Variants in ADAM9 observed in about 807,000 individuals in gnomAD.
The protein encoded by ADAM9 is ADAM metallopeptidase domain 9, also known as disintegrin and metalloproteinase domain-containing protein 9.
A neutral mutation model predicts 108.1 loss-of-function variants in ADAM9; 54 were observed. The ratio of observed to expected loss-of-function variants is 0.50; its 90% CI spans 0.40 to 0.63. ADAM9 has a LOEUF of 0.63. Ranked by LOEUF, ADAM9 falls within the 20% of genes least tolerant of loss-of-function variation. ADAM9 has a pLI of 0.00. For synonymous variants in ADAM9, 316 were observed against 336.0 expected, an observed-to-expected ratio of 0.94 and a Z score of 0.65; for missense variants, 830 against 997.7, an observed-to-expected ratio of 0.83 and a Z score of 2.26.
chr8:39,065,697 C>T (rs1276238905), intron 14 of ADAM9, among the ~76,000 whole-genome samples: 2 of 140,428 alleles, frequency 1.4e-5, no homozygotes, highest in African/African-American at 2.6e-5. Context: ...ATAATCTGTT[C>T]TTATTTCATG....
chr8:39,092,065 G>C (rs1233637348), intron 20 of ADAM9, among the ~76,000 whole-genome samples: 1 of 152,136 alleles, frequency 6.6e-6, no homozygotes, highest in African/African-American at 2.4e-5. Flanking sequence ...GTGTATTAGG[G>C]AGTGTTTAGA....
At chr8:39,026,548 A>T in intron 10 of ADAM9, 129 bp from the exon 11 acceptor site, 1 of 1,133,920 alleles carries the variant, frequency 8.8e-7, no homozygotes, top group South Asian at 1.3e-5. Flanking sequence ...CTGTTGTTGG[A>T]TGCTTGATTT....
chr8:39,093,335 G>A (rs1233644628), intron 20 of ADAM9, among the ~76,000 whole-genome samples: 2 of 151,916 alleles, frequency 1.3e-5, no homozygotes, highest in African/African-American at 2.4e-5. Context: ...TATTATTTAT[G>A]TATGTATTTT....
chr8:39,055,086 G>A (rs1255491624), intron 13 of ADAM9, among the ~76,000 whole-genome samples: 1 of 151,994 alleles, frequency 6.6e-6, no homozygotes, highest in Non-Finnish European at 1.5e-5. Context: ...AATATTACTT[G>A]TATAGTTGTA....
Position 39,104,262 on chromosome 8 carries a change from AACC to A in ADAM9, c.*565_*567del. ...TATTGTCTTCAAAAGAATGCACAAG[AACC>A]ACAATTAAGATGTCATATTATTTTG... On this transcript the variant is annotated 3_prime_UTR_variant, in exon 22 of 22. Transcript: ENST00000487273. 2.2e-6 allele frequency: 1 copy of A among 453,188 alleles called. No homozygotes were observed. Among genetic ancestry groups the A allele is most frequent in the Non-Finnish European group, 4.4e-6 (1 of 226,206 alleles). 28.1% of individuals were successfully genotyped at this position (453,188 alleles called of 1,614,324 possible).
chr8:39,008,829 T>C lies in ADAM9; in HGVS notation c.195+846T>C, dbSNP rs187166321. Among the ~76,000 whole-genome samples, 64 of 152,330 alleles carry C rather than the reference T, an allele frequency of 4.2e-4. No individual in the cohort carries two copies. In the East Asian group the frequency reaches 0.012, roughly 28 times the overall value. On this transcript the variant is annotated intron_variant, in intron 2 of 21. Transcript: ENST00000487273. ...TGGGGTAACCAGTGCACAAAAATTATTTTTTCTACTATTCTTTTGTAAAGT... is the reference window on the plus strand; with the variant it reads ...TGGGGTAACCAGTGCACAAAAATTACTTTTTCTACTATTCTTTTGTAAAGT...
intron 15 of ADAM9, among the ~76,000 whole-genome samples, chr8:39,073,750 G>A (rs1483172119): frequency 6.6e-6 from 1 of 152,038 alleles, no homozygotes; most frequent in Non-Finnish European, 1.5e-5. Context: ...GCCTTGTCTT[G>A]TTTCATATTT....
Position 39,104,448 on chromosome 8 carries a change from T to C in ADAM9, c.*748T>C, listed in dbSNP as rs926335363. On this transcript the variant is annotated 3_prime_UTR_variant, in exon 22 of 22. Transcript: ENST00000487273. ...GTGAAAGCATGACATTCGTTCACAA[T>C]AGCACTATTTTAAATAAATTATAAG... 1 of 410,002 alleles carries C rather than the reference T, an allele frequency of 2.4e-6. No individual in the cohort carries two copies. The highest frequency in any genetic ancestry group is 7.2e-5 in the East Asian group (1 of 13,840). 25.4% of individuals were successfully genotyped at this position (410,002 alleles called of 1,614,324 possible).
chr8:39,012,792 G>A (rs1836398635), intron 3 of ADAM9, among the ~76,000 whole-genome samples: 1 of 152,118 alleles, frequency 6.6e-6, no homozygotes, highest in East Asian at 1.9e-4. Context: ...ACCAGGGCCT[G>A]TCGTGGGGTA....
intron 11 of ADAM9, among the ~76,000 whole-genome samples, chr8:39,039,680 A>G (rs1311775852): frequency 6.6e-6 from 1 of 152,238 alleles, no homozygotes; most frequent in Non-Finnish European, 1.5e-5. Context: ...TTCACGCAGC[A>G]TAACATCCTC....
intron 14 of ADAM9, among the ~76,000 whole-genome samples, chr8:39,066,716 A>T (rs1838490115): frequency 6.6e-6 from 1 of 152,136 alleles, no homozygotes; most frequent in Admixed American, 6.5e-5. Flanking sequence ...GTTCACTCTG[A>T]TGGTAGTTTC....
chr8:39,035,913 C>T (rs1433533457), intron 11 of ADAM9, among the ~76,000 whole-genome samples: 1 of 152,050 alleles, frequency 6.6e-6, no homozygotes, highest in Non-Finnish European at 1.5e-5. Context: ...CTTATTTTTC[C>T]TCAGATTCCT....
intron 4 of ADAM9, 195 bp downstream of exon 4, chr8:39,014,238 C>G: frequency 1.7e-6 from 1 of 588,596 alleles, no homozygotes; most frequent in Admixed American, 3.1e-5. Context: ...TCTCCAGGTA[C>G]TCAGTAGTTA....
chr8:39,039,538 C>T (rs145279122), intron 11 of ADAM9, among the ~76,000 whole-genome samples: 33 of 152,304 alleles, frequency 2.2e-4, no homozygotes, highest in African/African-American at 6.7e-4. Context: ...TTGTATCAGA[C>T]CTACATGTCC....
chr8:39,069,343 A>AT (rs1280023637), intron 14 of ADAM9, among the ~76,000 whole-genome samples: 5 of 152,116 alleles, frequency 3.3e-5, no homozygotes, highest in Non-Finnish European at 5.9e-5. Flanking sequence ...ATGGCTTCTG[A>AT]TTTTAAAGAT....
intron 15 of ADAM9, among the ~76,000 whole-genome samples, chr8:39,076,495 C>T (rs1360402496): frequency 6.6e-6 from 1 of 152,130 alleles, no homozygotes; most frequent in Non-Finnish European, 1.5e-5. Context: ...AAAATATATC[C>T]TATGATGACT....
chr8:39,098,267 T>TAAA (rs573908143), intron 20 of ADAM9, among the ~76,000 whole-genome samples: 2 of 152,242 alleles, frequency 1.3e-5, no homozygotes, highest in East Asian at 3.9e-4. Context: ...GATGTGGACT[T>TAAA]AAAAAAACTC....
At chr8:39,015,448 G>A (rs1363577437) in intron 4 of ADAM9, 2 of 152,132 alleles carry the variant, frequency 1.3e-5, no homozygotes, top group African/African-American at 4.8e-5. Context: ...ATAGAGTTAT[G>A]CTTTTCTGGG....
Position 39,017,289 on chromosome 8 carries a change from A to C in ADAM9, c.481A>C (p.Ile161Leu). 1 of 1,614,180 alleles carries C rather than the reference A, an allele frequency of 6.2e-7. No homozygotes were observed. The highest frequency in any genetic ancestry group is 1.1e-5 in the South Asian group (1 of 91,086). ...PLQNSSHFEH[I>L]IYRMDDVYKE... ...GCAGAACAGCTCTCATTTTGAGCAC[A>C]TCATTTATCGAATGGATGATGTCTA... is the stretch of plus-strand genomic sequence containing the variant. The change falls in exon 6 of 22, where the codon ATC becomes CTC. Residue 161 changes from isoleucine (I) to leucine (L), a missense_variant. By Grantham distance (5) the Ile-to-Leu change is conservative. This residue lies in a region of ADAM9 where 211 missense variants were observed against 222.2 expected (regional missense o/e 0.95). Coordinates refer to ENST00000487273, the MANE Select transcript of ADAM9 (RefSeq NM_003816.3).
Sources: allele counts gnomAD v4.1 joint callset (sites outside exome capture counted in the v4.1 genomes callset), GRCh38; gene constraint gnomAD v4.1.1; regional missense constraint gnomAD v4.1.1; transcripts MANE v1.5; gene names NCBI Gene and HGNC (gene_info 2026-07-23, HGNC 2026-07-21).